The following ZFHX3 variants were observed in gnomAD, a reference collection of about 807,000 sequenced individuals.
The protein encoded by ZFHX3 is zinc finger homeobox 3, also known as zinc finger homeobox protein 3.
A neutral mutation model predicts 279.1 loss-of-function variants in ZFHX3; 42 were observed. The ratio of observed to expected loss-of-function variants is 0.15; its 90% CI spans 0.12 to 0.19. The LOEUF (loss-of-function observed/expected upper bound fraction) is 0.19. Ranked by LOEUF, ZFHX3 falls within the 10% of genes least tolerant of loss-of-function variation. The probability of loss-of-function intolerance (pLI) is 1.00; values close to 1 mark genes in which losing one functional copy is unlikely to be tolerated. For synonymous variants in ZFHX3, 2,293 were observed against 1,957.8 expected (o/e 1.17, Z -4.52); for missense variants, 4,981 against 4,754.0 (o/e 1.05, Z -1.40).
In ZFHX3 at chr16:73,195,140, CTACTTCTA is replaced by C. The variant is rs536185424; in HGVS notation, c.-1103-51317_-1103-51310del. ...TTTTGCATGTTCTTGATTTATTTCT[CTACTTCTA>C]TACCATTGGCTTTGCAAAATTAATT... On this transcript the variant is annotated intron_variant, in intron 5 of 17. Coordinates refer to the ZFHX3 transcript ENST00000641206. Among the ~76,000 whole-genome samples, 101 of 152,242 alleles carry C rather than the reference CTACTTCTA, an allele frequency of 6.6e-4. 1 individual carries two copies. In the South Asian group the frequency reaches 0.021, roughly 31 times the overall value.
intron 3 of ZFHX3, among the ~76,000 whole-genome samples, chr16:73,370,131 G>C (rs925327658): frequency 6.6e-5 from 10 of 152,210 alleles, no homozygotes; most frequent in Non-Finnish European, 1.5e-4. Context: ...GTGCCAGTGA[G>C]AATGGATAAA....
intron 8 of ZFHX3, among the ~76,000 whole-genome samples, chr16:73,065,257 C>T (rs1345427939): frequency 6.6e-6 from 1 of 152,248 alleles, no homozygotes; most frequent in Non-Finnish European, 1.5e-5. Flanking sequence ...GACACGCAGA[C>T]ACGCAGGCGT....
At chr16:72,845,709 G>GTAGAC (rs1415116946) in intron 4 of ZFHX3, among the ~76,000 whole-genome samples, 1 of 152,094 alleles carries the variant, frequency 6.6e-6, no homozygotes, top group African/African-American at 2.4e-5. Context: ...TCCTGCCTGT[G>GTAGAC]TAGACCCCTT....
chr16:73,398,328 A>C (rs2017172789), intron 3 of ZFHX3, among the ~76,000 whole-genome samples: 1 of 152,190 alleles, frequency 6.6e-6, no homozygotes, highest in Non-Finnish European at 1.5e-5. Flanking sequence ...CCAGGGAAAA[A>C]GTGTCTAGCA....
At chr16:73,633,863 A>G (rs1597038490) in intron 2 of ZFHX3, among the ~76,000 whole-genome samples, 1 of 151,656 alleles carries the variant, frequency 6.6e-6, no homozygotes, top group Non-Finnish European at 1.5e-5. Flanking sequence ...GTGCCACTGC[A>G]CTCCAGCCCG....
intron 2 of ZFHX3, among the ~76,000 whole-genome samples, chr16:73,475,768 A>AT (rs2018755560): frequency 6.6e-6 from 1 of 151,960 alleles, no homozygotes; most frequent in Non-Finnish European, 1.5e-5. Flanking sequence ...CCAATTTTCT[A>AT]TTTTTTCAGA....
chr16:73,032,057 T>C (rs1964723806), intron 1 of ZFHX3, among the ~76,000 whole-genome samples: 1 of 151,916 alleles, frequency 6.6e-6, no homozygotes, highest in African/African-American at 2.4e-5. Context: ...ACTGGCCAAA[T>C]AGGCTGGGCG....
intron 2 of ZFHX3, among the ~76,000 whole-genome samples, chr16:73,528,376 T>C (rs2019731514): frequency 6.6e-6 from 1 of 152,222 alleles, no homozygotes; most frequent in South Asian, 2.1e-4. Context: ...CACATATTCA[T>C]TCATCCATTT....
At chr16:72,935,022 G>C (rs1479112509) in intron 3 of ZFHX3, among the ~76,000 whole-genome samples, 1 of 152,188 alleles carries the variant, frequency 6.6e-6, no homozygotes, top group Non-Finnish European at 1.5e-5. Flanking sequence ...CTGCAGTAAG[G>C]ATAAAATCAT....
chr16:73,406,062 C>G (rs2017353941), intron 3 of ZFHX3, among the ~76,000 whole-genome samples: 1 of 152,242 alleles, frequency 6.6e-6, no homozygotes, highest in Non-Finnish European at 1.5e-5. Flanking sequence ...TCTATCGTCT[C>G]TAGGAGGAGG....
chr16:73,433,436 C>T (rs1055527689), intron 3 of ZFHX3, among the ~76,000 whole-genome samples: 1 of 152,204 alleles, frequency 6.6e-6, no homozygotes, highest in Admixed American at 6.5e-5. Context: ...ATGCACAGCA[C>T]CCCCTCCTCA....
intron 1 of ZFHX3, chr16:72,973,254 A>G (rs1962187292): frequency 6.6e-6 from 1 of 152,206 alleles, no homozygotes; most frequent in African/African-American, 2.4e-5. Flanking sequence ...TTTGCAGAAA[A>G]CAGAAAGGAA....
At chr16:73,560,722 G>C (rs1025008700) in intron 2 of ZFHX3, among the ~76,000 whole-genome samples, 1 of 152,200 alleles carries the variant, frequency 6.6e-6, no homozygotes, top group Admixed American at 6.5e-5. Context: ...GTGATTTAAA[G>C]ATAAGATCTC....
intron 1 of ZFHX3, among the ~76,000 whole-genome samples, chr16:73,724,771 G>T (rs1419731203): frequency 6.6e-6 from 1 of 152,158 alleles, no homozygotes; most frequent in Non-Finnish European, 1.5e-5. Context: ...GCCAGTAGTT[G>T]TAGTTGGAAA....
At position 72,889,754 on chromosome 16, in the gene ZFHX3, C is replaced by A. The variant is rs146073416; in HGVS notation, c.3425G>T (p.Arg1142Leu). The A allele has an allele frequency of 1.8e-5, 29 of 1,612,632 alleles. No individual in the cohort carries two copies. The highest frequency in any genetic ancestry group is 2.0e-5 in the Non-Finnish European group (24 of 1,179,988). Reference protein sequence around the residue: ...DEDLGQIFTIRRCPSTDPEEA... With the variant: ...DEDLGQIFTILRCPSTDPEEA... ...ACCTGGGTCCGTGGAGGGGCACCTGCGGATGGTGAAGATCTGCCCCAGGTC... is the reference window on the plus strand; with the variant it reads ...ACCTGGGTCCGTGGAGGGGCACCTGAGGATGGTGAAGATCTGCCCCAGGTC... The change falls in exon 4 of 10, where the codon CGC (arginine) becomes CTC (leucine). Residue 1142 changes from arginine (R) to leucine (L), a missense_variant. Arg to Leu is a moderately radical substitution (Grantham distance 102). Coordinates refer to ENST00000268489, the MANE Select transcript of ZFHX3 (RefSeq NM_006885.4).
chr16:73,773,055 T>G lies in ZFHX3; in HGVS notation c.-1607-92815A>C, dbSNP rs541443222. ...GACCCAGGCTGATCAGTGCAGGGGC[T>G]GTTAGCCACATGGGGCTACTCAAAG... is the stretch of plus-strand genomic sequence containing the variant. On this transcript the variant is annotated intron_variant, in intron 1 of 17. Coordinates refer to the ZFHX3 transcript ENST00000641206. Among the ~76,000 whole-genome samples, 22 of 152,350 alleles carry G rather than the reference T, an allele frequency of 1.4e-4. No individual in the cohort carries two copies. In the East Asian group the frequency reaches 4.2e-3, roughly 29 times the overall value.
intron 1 of ZFHX3, among the ~76,000 whole-genome samples, chr16:72,972,283 C>T (rs1962140268): frequency 6.6e-6 from 1 of 152,130 alleles, no homozygotes; most frequent in Non-Finnish European, 1.5e-5. Context: ...ATCCCTCCCC[C>T]TTGAGTTCCT....
At chr16:73,156,822 T>C (rs1967096893) in intron 5 of ZFHX3, among the ~76,000 whole-genome samples, 1 of 152,124 alleles carries the variant, frequency 6.6e-6, no homozygotes, top group African/African-American at 2.4e-5. Flanking sequence ...CAAGTGATTC[T>C]CCTGCCTTAG....
chr16:72,914,348 G>T (rs1409050957), intron 3 of ZFHX3, among the ~76,000 whole-genome samples: 2 of 152,142 alleles, frequency 1.3e-5, no homozygotes, highest in African/African-American at 4.8e-5. Context: ...CTACAAACAG[G>T]TATGGAAGAA....
Sources: allele counts gnomAD v4.1 joint callset (sites outside exome capture counted in the v4.1 genomes callset), GRCh38; gene constraint gnomAD v4.1.1; transcripts MANE v1.5; gene names NCBI Gene and HGNC (gene_info 2026-07-23, HGNC 2026-07-21).